The following PODN variants were observed in gnomAD, a reference collection of about 807,000 sequenced individuals.
PODN encodes the protein podocan.
Under a neutral mutation model 52.7 loss-of-function variants are expected in PODN, and 40 were observed. The observed-to-expected ratio is 0.76, with a 90% CI of 0.59 to 0.99. The LOEUF (loss-of-function observed/expected upper bound fraction) is 0.99. PODN is among the 50% of genes least tolerant of loss of function. The pLI is 0.00. For synonymous variants in PODN, 396 were observed against 377.9 expected, an observed-to-expected ratio of 1.05 and a Z score of -0.56; for missense variants, 720 against 815.1, an observed-to-expected ratio of 0.88 and a Z score of 1.42.
At chr1:53,066,916 C>G in intron 1 of PODN, 1 of 1,515,668 alleles carries the variant, frequency 6.6e-7, no homozygotes, top group Non-Finnish European at 9.0e-7. Context: ...CTGGATTCTT[C>G]TCCTTGGCCT....
chr1:53,062,323 C>T lies in PODN; in HGVS notation c.-56+15C>T. ...GGGCGCAGCAGGTACAGGGCGCTGG[C>T]AGCCGGGGTGGGCCGAGGGGCCGGG... is the stretch of plus-strand genomic sequence containing the variant. On this transcript the variant is annotated intron_variant, in intron 1 of 10. Transcript: ENST00000312553. The T allele has an allele frequency of 8.0e-7, 1 of 1,245,942 alleles. No individual in the cohort carries two copies. Among genetic ancestry groups the T allele is most frequent in the Non-Finnish European group, 1.0e-6 (1 of 987,762 alleles). The allele number at this position is 1,245,942 out of a possible 1,614,324, so 77.2% of individuals were successfully genotyped here.
At chr1:53,063,000 G>A (rs1040310730) in intron 1 of PODN, among the ~76,000 whole-genome samples, 2 of 152,222 alleles carry the variant, frequency 1.3e-5, no homozygotes, top group African/African-American at 2.4e-5. Flanking sequence ...AAGGGGTGGG[G>A]GTCCGCGAAG....
intron 7 of PODN, 40 bp downstream of exon 7, chr1:53,077,840 G>A (rs1358845587): frequency 1.9e-6 from 3 of 1,567,540 alleles, no homozygotes; most frequent in Non-Finnish European, 2.6e-6. Flanking sequence ...GTGACCACGG[G>A]GCCCGGGAAG....
chr1:53,065,671 G>C (rs1042920201), intron 1 of PODN, among the ~76,000 whole-genome samples: 2 of 152,214 alleles, frequency 1.3e-5, no homozygotes, highest in Admixed American at 6.5e-5. Context: ...TCGTCTTCCA[G>C]TGATAAGGAC....
chr1:53,065,400 G>GAC (rs1644017296), intron 1 of PODN, among the ~76,000 whole-genome samples: 1 of 152,118 alleles, frequency 6.6e-6, no homozygotes, highest in South Asian at 2.1e-4. Flanking sequence ...AGATGGGTCA[G>GAC]TGGTATGGCC....
At position 53,078,584 on chromosome 1, in the gene PODN, C is replaced by T. The variant is rs1191203565; in HGVS notation, c.1074C>T (p.Leu358=). 3 of 1,612,962 alleles carry T rather than the reference C, an allele frequency of 1.9e-6. No homozygotes were observed. Among genetic ancestry groups the T allele is most frequent in the Non-Finnish European group, 2.5e-6 (3 of 1,180,022 alleles). The change falls in exon 8 of 11, where the codon CTC becomes CTT. Residue 358 remains leucine, a synonymous_variant. Coordinates refer to ENST00000312553, the MANE Select transcript of PODN (RefSeq NM_153703.5). ...TCCACCCACTGGCCTTCCAGGGCCT[C>T]AAGCGGTTGCACACGGTGCACCTGT... ...QGIHPLAFQG[L]KRLHTVHLYN...
At chr1:53,071,683 C>T in intron 3 of PODN, 55 bp downstream of exon 3, 2 of 1,509,464 alleles carry the variant, frequency 1.3e-6, no homozygotes, top group Non-Finnish European at 1.8e-6. Context: ...CCTTGGGGGC[C>T]TGAACGATGC....
At chr1:53,063,407 G>A (rs1182069007) in intron 1 of PODN, 115 of 985,606 alleles carry the variant, frequency 1.2e-4, no homozygotes, top group Non-Finnish European at 1.4e-4. Flanking sequence ...TCCACGAGGC[G>A]CCACTGGTGT....
In PODN at chr1:53,077,713, G is replaced by A. The variant is rs753326028; in HGVS notation, c.767G>A (p.Gly256Glu). ...AACAAGCTGGAGAAGATCCCCCCGGGGGCCTTCAGCGAGCTGAGCAGCCTG... is the reference window on the plus strand; with the variant it reads ...AACAAGCTGGAGAAGATCCCCCCGGAGGCCTTCAGCGAGCTGAGCAGCCTG... ...KNNKLEKIPP[G>E]AFSELSSLRE... is the part of the protein sequence containing the mutation. The change falls in exon 7 of 11, where the codon GGG becomes GAG. Residue 256 changes from glycine (G) to glutamate (E), a missense_variant. Gly to Glu is a moderately conservative substitution (Grantham distance 98). Transcript: ENST00000312553. 1 of 1,613,510 alleles carries A rather than the reference G, an allele frequency of 6.2e-7. No individual in the cohort carries two copies. Among genetic ancestry groups the A allele is most frequent in the Non-Finnish European group, 8.5e-7 (1 of 1,179,878 alleles).
intron 8 of PODN, 125 bp downstream of exon 8, chr1:53,079,147 C>A: frequency 8.0e-7 from 1 of 1,244,426 alleles, no homozygotes; most frequent in Non-Finnish European, 1.1e-6. Context: ...TCTGGTATGG[C>A]CAGGCTGAGC....
chr1:53,077,758 A>G lies in PODN; in HGVS notation c.812A>G (p.Asn271Ser). The part of the protein sequence containing the change: ...LSSLRELYLQ[N>S]NYLTDEGLDN... ...AGCCTGCGCGAGCTATACCTGCAGA[A>G]CAACTACCTGACTGACGAGGGCCTG... The change falls in exon 7 of 11, where the codon AAC becomes AGC. Residue 271 changes from asparagine (N) to serine (S), a missense_variant. Physicochemically the swap from Asn to Ser is conservative, Grantham distance 46 (BLOSUM62 1). Coordinates refer to ENST00000312553, the MANE Select transcript of PODN (RefSeq NM_153703.5). 1.2e-6 allele frequency: 2 copies of G among 1,613,690 alleles called. No homozygotes were observed. Among genetic ancestry groups the G allele is most frequent in the Non-Finnish European group, 1.7e-6 (2 of 1,179,958 alleles).
intron 1 of PODN, among the ~76,000 whole-genome samples, chr1:53,068,454 G>A (rs552848400): frequency 2.2e-4 from 34 of 152,320 alleles, no homozygotes; most frequent in African/African-American, 6.0e-4. Flanking sequence ...GGTCCTTGCC[G>A]CTGTCCCTGC....
intron 3 of PODN, chr1:53,073,241 T>C: frequency 4.6e-6 from 1 of 216,900 alleles, no homozygotes; most frequent in East Asian, 1.1e-4. Flanking sequence ...GTGTTTCCCA[T>C]GCTCTTCAAT....
chr1:53,080,970 C>A, intron 9 of PODN, 94 bp downstream of exon 9: 1 of 1,491,690 alleles, frequency 6.7e-7, no homozygotes, highest in East Asian at 2.3e-5. Context: ...CTTGGCTCCA[C>A]TGCTGCCTGT....
At chr1:53,065,995 CTT>C (rs780284767) in intron 1 of PODN, among the ~76,000 whole-genome samples, 6 of 115,278 alleles carry the variant, frequency 5.2e-5, no homozygotes, top group Admixed American at 1.0e-4. Flanking sequence ...TTCTAGAGGT[CTT>C]TTTTTTTTTT....
At chr1:53,077,896 G>A (rs1186180253) in intron 7 of PODN, 96 bp downstream of exon 7, 17 of 931,308 alleles carry the variant, frequency 1.8e-5, no homozygotes, top group East Asian at 1.2e-4. Flanking sequence ...CCTCACGCAC[G>A]TCCCCTGCCC....
intron 1 of PODN, 108 bp from the exon 2 acceptor site, chr1:53,069,693 A>T: frequency 7.0e-7 from 1 of 1,427,848 alleles, no homozygotes; most frequent in Non-Finnish European, 9.3e-7. Flanking sequence ...GGCAGCAGTC[A>T]GTCATCGGCT....
At chr1:53,067,258 G>C (rs1423139330) in intron 1 of PODN, among the ~76,000 whole-genome samples, 1 of 152,060 alleles carries the variant, frequency 6.6e-6, no homozygotes, top group African/African-American at 2.4e-5. Flanking sequence ...CAACCATGTG[G>C]ATCTGTAGGG....
chr1:53,078,818 C>A lies in PODN; in HGVS notation c.1308C>A (p.Asp436Glu), dbSNP rs776888711. Residue 436 changes from aspartate (D) to glutamate (E), a missense_variant, in exon 8 of 11, where the codon GAC becomes GAA. Transcript: ENST00000312553. ...AGCTGCGCCTGCTGCGCTCGCTGGACCTGTCGGGCAACCGGCTGCACACGC... is the reference window on the plus strand; with the variant it reads ...AGCTGCGCCTGCTGCGCTCGCTGGAACTGTCGGGCAACCGGCTGCACACGC... ...FRKLRLLRSL[D>E]LSGNRLHTLP... The A allele has an allele frequency of 3.7e-6, 6 of 1,612,938 alleles. No homozygotes were observed. Among genetic ancestry groups the A allele is most frequent in the South Asian group, 3.3e-5 (3 of 91,060 alleles).
Sources: allele counts gnomAD v4.1 joint callset (sites outside exome capture counted in the v4.1 genomes callset), GRCh38; gene constraint gnomAD v4.1.1; transcripts MANE v1.5; gene names NCBI Gene and HGNC (gene_info 2026-07-23, HGNC 2026-07-21).